Variants in ZCCHC7 observed in about 807,000 individuals in gnomAD.
The protein encoded by ZCCHC7 is zinc finger CCHC-type containing 7.
ZCCHC7 carries 35 observed loss-of-function variants against 52.0 expected under a neutral mutation model. That is an observed-to-expected ratio of 0.67 (90% confidence interval 0.51 to 0.89). ZCCHC7 has a LOEUF of 0.89. Among genes scored for constraint, ZCCHC7 ranks in the 40% least tolerant of loss-of-function variants. ZCCHC7 has a pLI of 0.00. For missense variants in ZCCHC7, 574 were observed against 649.1 expected (o/e 0.88, Z 1.26); for synonymous variants, 217 against 221.5 (o/e 0.98, Z 0.18).
chr9:37,240,340 A>G (rs1424228750), intron 2 of ZCCHC7, among the ~76,000 whole-genome samples: 1 of 151,872 alleles, frequency 6.6e-6, no homozygotes, highest in Non-Finnish European at 1.5e-5. Flanking sequence ...ATTTATATTT[A>G]TATGTTTTAT....
At chr9:37,318,152 G>A (rs772672228) in intron 5 of ZCCHC7, among the ~76,000 whole-genome samples, 24 of 151,808 alleles carry the variant, frequency 1.6e-4, no homozygotes, top group Non-Finnish European at 2.4e-4. Flanking sequence ...AATATTTGAC[G>A]ATGAGGATGA....
chr9:37,259,127 T>C (rs955092691), intron 2 of ZCCHC7, among the ~76,000 whole-genome samples: 5 of 152,170 alleles, frequency 3.3e-5, no homozygotes, highest in African/African-American at 1.2e-4. Flanking sequence ...GTTATACAAT[T>C]TGTGGGATAC....
At chr9:37,130,568 C>T (rs1173146746) in intron 2 of ZCCHC7, among the ~76,000 whole-genome samples, 2 of 150,768 alleles carry the variant, frequency 1.3e-5, no homozygotes, top group Non-Finnish European at 3.0e-5. Flanking sequence ...TCTCGGCTCA[C>T]TGCAAGCTGC....
intron 2 of ZCCHC7, among the ~76,000 whole-genome samples, chr9:37,182,219 G>A (rs1161336769): frequency 6.6e-6 from 1 of 152,120 alleles, no homozygotes; most frequent in Non-Finnish European, 1.5e-5. Flanking sequence ...AATTACAGTT[G>A]TCAGTCTTGT....
At chr9:37,206,178 T>C (rs1485703419) in intron 2 of ZCCHC7, among the ~76,000 whole-genome samples, 1 of 152,128 alleles carries the variant, frequency 6.6e-6, no homozygotes, top group Non-Finnish European at 1.5e-5. Flanking sequence ...TGATTTCAAG[T>C]AGTTCCTTCC....
intron 2 of ZCCHC7, among the ~76,000 whole-genome samples, chr9:37,245,164 G>A (rs1826031454): frequency 6.6e-6 from 1 of 151,654 alleles, no homozygotes; most frequent in Non-Finnish European, 1.5e-5. Context: ...TTTATATTTG[G>A]CATAAATTGA....
intron 5 of ZCCHC7, among the ~76,000 whole-genome samples, chr9:37,312,692 T>A (rs186947331): frequency 4.6e-5 from 7 of 152,320 alleles, no homozygotes; most frequent in Admixed American, 3.3e-4. Context: ...GGAGGCCAAA[T>A]CTGGAGGACT....
intron 2 of ZCCHC7, among the ~76,000 whole-genome samples, chr9:37,143,098 TCAGA>T (rs1020604973): frequency 2.6e-5 from 4 of 151,786 alleles, no homozygotes; most frequent in African/African-American, 7.2e-5. Context: ...CAGACAATTG[TCAGA>T]CAATTTTTTT....
At chr9:37,351,364 G>A (rs757534906) in intron 7 of ZCCHC7, among the ~76,000 whole-genome samples, 1 of 152,054 alleles carries the variant, frequency 6.6e-6, no homozygotes, top group Non-Finnish European at 1.5e-5. Context: ...GAGTGCAGTG[G>A]GCACTATCTC....
intron 2 of ZCCHC7, among the ~76,000 whole-genome samples, chr9:37,274,022 T>C (rs1014367159): frequency 6.6e-6 from 1 of 152,164 alleles, no homozygotes; most frequent in Non-Finnish European, 1.5e-5. Context: ...AAAATAAAAA[T>C]GGTACTCTTA....
intron 5 of ZCCHC7, among the ~76,000 whole-genome samples, chr9:37,310,959 TAA>T (rs59663698): frequency 8.1e-4 from 93 of 115,038 alleles, no homozygotes; most frequent in African/African-American, 2.6e-3. Flanking sequence ...TCTCTCTTTT[TAA>T]AAAAAAAAAA....
At chr9:37,146,887 G>A (rs948525242) in intron 2 of ZCCHC7, among the ~76,000 whole-genome samples, 7 of 151,780 alleles carry the variant, frequency 4.6e-5, no homozygotes, top group African/African-American at 1.7e-4. Context: ...AAATTTGTGG[G>A]TACTTATATT....
chr9:37,171,071 A>C (rs560684314), intron 2 of ZCCHC7, among the ~76,000 whole-genome samples: 1 of 152,244 alleles, frequency 6.6e-6, no homozygotes, highest in Non-Finnish European at 1.5e-5. Context: ...TATGGTTGAC[A>C]GTAGGTTTAT....
chr9:37,230,263 A>AT (rs1476997552), intron 2 of ZCCHC7, among the ~76,000 whole-genome samples: 1 of 152,230 alleles, frequency 6.6e-6, no homozygotes, highest in Non-Finnish European at 1.5e-5. Context: ...GCATAATTGT[A>AT]TTGCTAGACT....
At chr9:37,129,921 A>T (rs1191627056) in intron 2 of ZCCHC7, among the ~76,000 whole-genome samples, 2 of 152,122 alleles carry the variant, frequency 1.3e-5, no homozygotes, top group African/African-American at 4.8e-5. Context: ...CTGAGGTAGT[A>T]CTCGTGACTT....
chr9:37,225,333 C>G (rs1825039182), intron 2 of ZCCHC7, among the ~76,000 whole-genome samples: 1 of 152,024 alleles, frequency 6.6e-6, no homozygotes, highest in Non-Finnish European at 1.5e-5. Flanking sequence ...GAGAAACATC[C>G]AAGTCCAGAT....
At chr9:37,173,784 C>G (rs1177057478) in intron 2 of ZCCHC7, among the ~76,000 whole-genome samples, 2 of 151,716 alleles carry the variant, frequency 1.3e-5, no homozygotes, top group African/African-American at 4.8e-5. Flanking sequence ...TAAAATTGGC[C>G]CTTGTTATTA....
chr9:37,190,868 C>G (rs1223766356), intron 2 of ZCCHC7, among the ~76,000 whole-genome samples: 1 of 151,826 alleles, frequency 6.6e-6, no homozygotes, highest in Non-Finnish European at 1.5e-5. Context: ...AAAAAAAATA[C>G]CAAATTAGCT....
rs538339919 is a variant in ZCCHC7 at position 37,138,699 on chromosome 9, A to AT, written c.610+11775dup. ...TCACTCACCTTATCTACAGGTTTGT[A>AT]TTTTTTTTTTTTTTTTTTAGAATGG... On this transcript the variant is annotated intron_variant, in intron 2 of 8. Coordinates refer to ENST00000336755, the MANE Select transcript of ZCCHC7 (RefSeq NM_032226.3). Among the ~76,000 whole-genome samples, 541 of 134,050 alleles carry AT rather than the reference A, an allele frequency of 4.0e-3. 4 individuals are homozygous for AT. Among genetic ancestry groups the AT allele is most frequent in the Middle Eastern group, 0.019 (5 of 260 alleles). The allele number at this position is 134,050 out of a possible 152,430, so 87.9% of individuals were successfully genotyped here.
Sources: allele counts gnomAD v4.1 joint callset (sites outside exome capture counted in the v4.1 genomes callset), GRCh38; gene constraint gnomAD v4.1.1; transcripts MANE v1.5; gene names NCBI Gene and HGNC (gene_info 2026-07-23, HGNC 2026-07-21).